TAX1BP1: variants seen among roughly 807,000 people sequenced by gnomAD.
The protein encoded by TAX1BP1 is Tax1 binding protein 1, also known as tax1-binding protein 1.
A neutral mutation model predicts 97.7 loss-of-function variants in TAX1BP1; 62 were observed. The ratio of observed to expected loss-of-function variants is 0.63; its 90% confidence interval spans 0.52 to 0.78. The LOEUF (loss-of-function observed/expected upper bound fraction) is 0.78, where lower values mean the gene tolerates loss of function less well. TAX1BP1 is among the 30% of genes least tolerant of loss of function. TAX1BP1 has a pLI of 0.00. For missense variants in TAX1BP1, 867 were observed against 916.1 expected, an observed-to-expected ratio of 0.95 and a Z score of 0.69; for synonymous variants, 340 against 304.2, an observed-to-expected ratio of 1.12 and a Z score of -1.23.
intron 13 of TAX1BP1, among the ~76,000 whole-genome samples, chr7:27,805,184 G>A (rs1790289740): frequency 6.6e-6 from 1 of 152,062 alleles, no homozygotes; most frequent in Non-Finnish European, 1.5e-5. Flanking sequence ...TTGTAATCAG[G>A]CTTTCTAATT....
intron 13 of TAX1BP1, among the ~76,000 whole-genome samples, chr7:27,801,815 C>T (rs1009102624): frequency 6.6e-6 from 1 of 152,074 alleles, no homozygotes; most frequent in Non-Finnish European, 1.5e-5. Flanking sequence ...TTCTTTTGCC[C>T]TATTTTGTAC....
At chr7:27,823,826 C>T (rs953537904) in intron 15 of TAX1BP1, among the ~76,000 whole-genome samples, 2 of 152,168 alleles carry the variant, frequency 1.3e-5, no homozygotes, top group Non-Finnish European at 2.9e-5. Flanking sequence ...AATTTGACTA[C>T]TCTGGGTACC....
chr7:27,825,210 G>T (rs1254082029), intron 15 of TAX1BP1, among the ~76,000 whole-genome samples: 2 of 149,342 alleles, frequency 1.3e-5, no homozygotes, highest in African/African-American at 4.9e-5. Context: ...TCAAGTTCTT[G>T]TCTTGCTTTT....
At chr7:27,812,212 C>A (rs1163182087) in intron 13 of TAX1BP1, among the ~76,000 whole-genome samples, 4 of 152,116 alleles carry the variant, frequency 2.6e-5, no homozygotes, top group Non-Finnish European at 5.9e-5. Flanking sequence ...TTAGTGTTAT[C>A]TCATTGTGGA....
intron 1 of TAX1BP1, 91 bp from the exon 2 acceptor site, chr7:27,748,427 A>C: frequency 1.1e-6 from 1 of 899,008 alleles, no homozygotes; most frequent in Non-Finnish European, 1.5e-6. Flanking sequence ...GCAAATATTC[A>C]TGAAACTTAT....
intron 4 of TAX1BP1, among the ~76,000 whole-genome samples, chr7:27,767,134 T>C (rs968145618): frequency 6.6e-6 from 1 of 152,106 alleles, no homozygotes; most frequent in Non-Finnish European, 1.5e-5. Flanking sequence ...CTTTATCCTA[T>C]ACCTAAAAAA....
chr7:27,769,015 G>T (rs1788745019), intron 4 of TAX1BP1, among the ~76,000 whole-genome samples: 1 of 151,844 alleles, frequency 6.6e-6, no homozygotes, highest in Non-Finnish European at 1.5e-5. Context: ...TAATCTTTTA[G>T]AATATTGAAG....
At chr7:27,752,118 G>A (rs779763089) in intron 2 of TAX1BP1, among the ~76,000 whole-genome samples, 1 of 152,084 alleles carries the variant, frequency 6.6e-6, no homozygotes, top group Non-Finnish European at 1.5e-5. Context: ...AAGGAATGGA[G>A]GTAAAGAGAA....
intron 3 of TAX1BP1, among the ~76,000 whole-genome samples, chr7:27,761,104 C>G (rs1788410261): frequency 6.6e-6 from 1 of 152,128 alleles, no homozygotes; most frequent in Admixed American, 6.5e-5. Flanking sequence ...ATTTTGGTGA[C>G]ATGTGCAGAG....
At position 27,816,956 on chromosome 7, in the gene TAX1BP1, G is replaced by T. The variant is rs748161129; in HGVS notation, c.2003G>T (p.Gly668Val). ...CCACCTGTCAGAGTCCCCTCTTGGG[G>T]ACTGGAAGACAATGTTGTCTGCAGC... ...QRPPVRVPSW[G>V]LEDNVVCSQP... The change falls in exon 15 of 17, where the codon GGA becomes GTA. Residue 668 changes from glycine (G) to valine (V), a missense_variant. Coordinates refer to ENST00000396319, the MANE Select transcript of TAX1BP1 (RefSeq NM_006024.7). 8.8e-5 allele frequency: 142 copies of T among 1,613,988 alleles called. No homozygotes were observed. Among genetic ancestry groups the T allele is most frequent in the Admixed American group, 6.5e-4 (39 of 59,984 alleles).
rs1022520896 is a variant in TAX1BP1, at chr7:27,796,839, A to G, written c.1638+620A>G. ...TTGCACACTGTACTCCAGCCTAGGC[A>G]ACAGAGCGAGTCTCTAAAAAAAAAT... On this transcript the variant is annotated intron_variant, in intron 12 of 16. Transcript: ENST00000396319. Among the ~76,000 whole-genome samples, 6 of 152,120 alleles carry G rather than the reference A, an allele frequency of 3.9e-5. No homozygotes were observed. The South Asian group carries it at 1.2e-3, about 32-fold the overall frequency.
intron 13 of TAX1BP1, among the ~76,000 whole-genome samples, chr7:27,809,403 G>A: frequency 6.6e-6 from 1 of 152,222 alleles, no homozygotes; most frequent in Non-Finnish European, 1.5e-5. Flanking sequence ...CTAAATTTTA[G>A]TTAGAAGTTA....
At chr7:27,768,874 G>T (rs1484380311) in intron 4 of TAX1BP1, among the ~76,000 whole-genome samples, 1 of 151,912 alleles carries the variant, frequency 6.6e-6, no homozygotes, top group African/African-American at 2.4e-5. Context: ...CCAATTTGGG[G>T]TGTATGGAGG....
chr7:27,761,364 G>T (rs756547939), intron 3 of TAX1BP1, among the ~76,000 whole-genome samples: 1 of 152,032 alleles, frequency 6.6e-6, no homozygotes. Context: ...TTACATCAGG[G>T]TTCACTGTGT....
At chr7:27,796,564 T>A (rs904143723) in intron 12 of TAX1BP1, among the ~76,000 whole-genome samples, 1 of 152,216 alleles carries the variant, frequency 6.6e-6, no homozygotes, top group African/African-American at 2.4e-5. Flanking sequence ...GTGCTGTTTT[T>A]AAATTTACTA....
Position 27,794,385 on chromosome 7 carries a change from A to C in TAX1BP1, c.1473A>C (p.Ser491=). 1.2e-6 allele frequency: 2 copies of C among 1,613,578 alleles called. No individual in the cohort carries two copies. The highest frequency in any genetic ancestry group is 8.5e-7 in the Non-Finnish European group (1 of 1,179,692). The change falls in exon 11 of 17, where the codon TCA becomes TCC. Residue 491 remains serine (S), a synonymous_variant. Transcript: ENST00000396319. ...ATCAGCAGAAAGTGAATGATGCTTC[A>C]GTAAACACAGACCCAGCCACTTCTG... ...TGNQQKVNDA[S]VNTDPATSAS... is the part of the protein sequence containing the mutation.
intron 13 of TAX1BP1, among the ~76,000 whole-genome samples, chr7:27,806,211 G>C (rs913937713): frequency 2.6e-5 from 4 of 151,376 alleles, no homozygotes; most frequent in Admixed American, 2.6e-4. Flanking sequence ...TCAGCCTCCT[G>C]AGTAGCTGGG....
At position 27,748,689 on chromosome 7, in the gene TAX1BP1, A is replaced by G. The variant is rs868759856; in HGVS notation, c.162+3A>G. The G allele has an allele frequency of 1.3e-6, 2 of 1,514,486 alleles. No homozygotes were observed. The highest frequency in any genetic ancestry group is 1.4e-5 in the African/African-American group (1 of 72,284). 93.8% of individuals were successfully genotyped at this position (1,514,486 alleles called of 1,614,324 possible). On this transcript the variant is annotated splice_donor_region_variant and intron_variant, in intron 2 of 16. Coordinates refer to ENST00000396319, the MANE Select transcript of TAX1BP1 (RefSeq NM_006024.7). ...AAGATTGGGTTGGTATATTCAAGGT[A>G]AGAAAGCTTTCTGAATATGTTCTCC...
intron 5 of TAX1BP1, among the ~76,000 whole-genome samples, chr7:27,778,961 G>T (rs1789139408): frequency 6.6e-6 from 1 of 151,586 alleles, no homozygotes; most frequent in African/African-American, 2.4e-5. Context: ...TTATCATCCT[G>T]CAAAGAAACC....
Sources: gnomAD v4.1 joint callset for allele counts (sites outside exome capture counted in the v4.1 genomes callset) on GRCh38, gnomAD v4.1.1 for gene constraint, MANE v1.5 for transcripts, NCBI Gene and HGNC (gene_info 2026-07-23, HGNC 2026-07-21) for gene names.